NKAIN3: variants seen among roughly 807,000 people sequenced by gnomAD.
The protein encoded by NKAIN3 is sodium/potassium-transporting ATPase subunit beta-1-interacting protein 3.
A neutral mutation model predicts 30.2 loss-of-function variants in NKAIN3; 25 were observed. That is an observed-to-expected ratio of 0.83 (90% confidence interval 0.60 to 1.16). NKAIN3 has a LOEUF of 1.16. NKAIN3 is among the 50% of genes most tolerant of loss of function. The probability of loss-of-function intolerance (pLI) is 0.00; values close to 1 mark genes in which losing one functional copy is unlikely to be tolerated. For missense variants in NKAIN3, 225 were observed against 254.1 expected, an observed-to-expected ratio of 0.89 and a Z score of 0.78; for synonymous variants, 91 against 89.6, an observed-to-expected ratio of 1.02 and a Z score of -0.09.
At chr8:62,993,784 G>A (rs1042967281) in intron 5 of NKAIN3, among the ~76,000 whole-genome samples, 3 of 152,150 alleles carry the variant, frequency 2.0e-5, no homozygotes, top group African/African-American at 7.2e-5. Flanking sequence ...GGCAGCCTAT[G>A]TTTCTTTGTG....
chr8:62,277,019 T>A (rs1193039916), intron 1 of NKAIN3, among the ~76,000 whole-genome samples: 1 of 152,208 alleles, frequency 6.6e-6, no homozygotes, highest in Non-Finnish European at 1.5e-5. Flanking sequence ...ATAATTTTAA[T>A]TAATTGTTAA....
intron 1 of NKAIN3, among the ~76,000 whole-genome samples, chr8:62,577,824 T>C (rs1810164573): frequency 6.6e-6 from 1 of 151,980 alleles, no homozygotes; most frequent in African/African-American, 2.4e-5. Context: ...TATCACTCCA[T>C]GATCAGGAAA....
At chr8:62,457,374 C>A (rs1805854355) in intron 1 of NKAIN3, among the ~76,000 whole-genome samples, 1 of 152,182 alleles carries the variant, frequency 6.6e-6, no homozygotes, top group African/African-American at 2.4e-5. Flanking sequence ...AAAGCCCTTG[C>A]AAAGTATCAA....
At chr8:62,478,957 T>C (rs1396309313) in intron 1 of NKAIN3, among the ~76,000 whole-genome samples, 1 of 152,158 alleles carries the variant, frequency 6.6e-6, no homozygotes, top group Non-Finnish European at 1.5e-5. Flanking sequence ...CACCCTGCCC[T>C]GTAGAGCTCT....
At chr8:62,635,410 A>G (rs1812096617) in intron 3 of NKAIN3, among the ~76,000 whole-genome samples, 2 of 152,286 alleles carry the variant, frequency 1.3e-5, no homozygotes, top group South Asian at 2.1e-4. Context: ...TGCTTCTTAA[A>G]GGAGGGTCCT....
intron 4 of NKAIN3, among the ~76,000 whole-genome samples, chr8:62,871,721 A>G (rs193296617): frequency 6.0e-4 from 91 of 152,344 alleles, no homozygotes; most frequent in African/African-American, 2.1e-3. Flanking sequence ...AGTTGAAGGT[A>G]GCAGAAGATG....
intron 4 of NKAIN3, among the ~76,000 whole-genome samples, chr8:62,786,096 A>T (rs1457281614): frequency 1.3e-5 from 2 of 152,082 alleles, no homozygotes; most frequent in Non-Finnish European, 2.9e-5. Context: ...AAAAGAAAAA[A>T]GTGCTCAATT....
At chr8:62,310,950 G>A (rs1814407834) in intron 1 of NKAIN3, among the ~76,000 whole-genome samples, 1 of 150,184 alleles carries the variant, frequency 6.7e-6, no homozygotes, top group African/African-American at 2.5e-5. Flanking sequence ...TATAATCAAG[G>A]CCACCTGACA....
chr8:62,958,866 G>A (rs888821412), intron 6 of NKAIN3, among the ~76,000 whole-genome samples: 8 of 152,154 alleles, frequency 5.3e-5, no homozygotes, highest in African/African-American at 1.9e-4. Context: ...ACAGCAGCTG[G>A]AATTCCAGAA....
intron 1 of NKAIN3, among the ~76,000 whole-genome samples, chr8:62,337,020 A>AGT (rs1236197576): frequency 6.6e-6 from 1 of 152,034 alleles, no homozygotes; most frequent in Admixed American, 6.6e-5. Flanking sequence ...ATGGCTAGAG[A>AGT]GTGGGCTCAG....
chr8:62,455,766 C>A (rs549198523), intron 1 of NKAIN3, among the ~76,000 whole-genome samples: 1 of 152,306 alleles, frequency 6.6e-6, no homozygotes, highest in South Asian at 2.1e-4. Flanking sequence ...AGCACACACA[C>A]AAAAATAAAA....
intron 4 of NKAIN3, among the ~76,000 whole-genome samples, chr8:62,789,447 G>T (rs59729071): frequency 0.18 from 26,748 of 151,980 alleles, 2,550 homozygotes; most frequent in East Asian, 0.29. Context: ...AGACAATGGG[G>T]TTTTCTAGAT....
At chr8:62,683,261 C>T (rs1279963703) in intron 3 of NKAIN3, among the ~76,000 whole-genome samples, 1 of 152,128 alleles carries the variant, frequency 6.6e-6, no homozygotes, top group South Asian at 2.1e-4. Flanking sequence ...GTCTTGATCT[C>T]CTGACCTCGT....
chr8:62,996,891 G>A (rs1051958530), intron 5 of NKAIN3, among the ~76,000 whole-genome samples: 13 of 152,182 alleles, frequency 8.5e-5, no homozygotes, highest in Non-Finnish European at 1.9e-4. Flanking sequence ...CTGTAGCTCT[G>A]CAGGGTATGG....
intron 1 of NKAIN3, among the ~76,000 whole-genome samples, chr8:62,292,814 C>G (rs1036687865): frequency 2.0e-5 from 3 of 152,192 alleles, no homozygotes; most frequent in African/African-American, 4.8e-5. Context: ...TGGATAATAT[C>G]CTGAAGAGTG....
chr8:62,711,116 G>T (rs924595953), intron 3 of NKAIN3, among the ~76,000 whole-genome samples: 1 of 152,080 alleles, frequency 6.6e-6, no homozygotes, highest in African/African-American at 2.4e-5. Context: ...CAGTTAATCT[G>T]ACAGGTTTTC....
chr8:62,356,895 TG>T lies in NKAIN3; in HGVS notation c.54+107770del, dbSNP rs374841580. Among the ~76,000 whole-genome samples, 269 of 152,086 alleles carry T rather than the reference TG, an allele frequency of 1.8e-3. 3 individuals are homozygous for T. The highest frequency in any genetic ancestry group is 0.01 in the Middle Eastern group (3 of 294). ...GGGAGGCCGAGACAGGTGGATTGCT[TG>T]GAGCCCAGGAGTTCGAGACCAGCCT... On this transcript the variant is annotated intron_variant, in intron 1 of 6. Coordinates refer to ENST00000623646, the MANE Select transcript of NKAIN3 (RefSeq NM_001304533.3).
intron 1 of NKAIN3, among the ~76,000 whole-genome samples, chr8:62,350,831 C>T (rs1816157574): frequency 2.0e-5 from 3 of 151,836 alleles, no homozygotes; most frequent in African/African-American, 7.3e-5. Flanking sequence ...GCTGTGATTA[C>T]AGGCACTGCC....
At chr8:62,250,893 G>A (rs2625411) in intron 1 of NKAIN3, among the ~76,000 whole-genome samples, 2,553 of 152,014 alleles carry the variant, frequency 0.017, 44 homozygotes, top group Middle Eastern at 0.041. Flanking sequence ...ATAGCACTTC[G>A]CTTTTTCCTC....
Sources: allele counts gnomAD v4.1 joint callset (sites outside exome capture counted in the v4.1 genomes callset), GRCh38; gene constraint gnomAD v4.1.1; transcripts MANE v1.5; gene names NCBI Gene and HGNC (gene_info 2026-07-23, HGNC 2026-07-21).